Variants in BAALC observed in about 807,000 individuals in gnomAD.
BAALC encodes brain and acute leukemia cytoplasmic protein.
In BAALC, 9 loss-of-function variants were observed where a neutral mutation model predicts 15.5. The observed-to-expected ratio is 0.58, with a 90% CI of 0.35 to 1.02. BAALC has a LOEUF of 1.02. Among genes scored for constraint, BAALC ranks in the 50% least tolerant of loss-of-function variants. The pLI, the probability that BAALC is intolerant of heterozygous loss-of-function variation, is 0.02. For missense variants in BAALC, 201 were observed against 192.4 expected, an observed-to-expected ratio of 1.04 and a Z score of -0.27; for synonymous variants, 80 against 74.6, an observed-to-expected ratio of 1.07 and a Z score of -0.37.
chr8:103,186,984 C>A (rs2129989846), intron 1 of BAALC, among the ~76,000 whole-genome samples: 1 of 152,274 alleles, frequency 6.6e-6, no homozygotes, highest in East Asian at 1.9e-4. Context: ...GGACCTTAGC[C>A]CTTTTGCAAA....
intron 1 of BAALC, 48 bp downstream of exon 1, chr8:103,141,105 C>G (rs1037999514): frequency 2.2e-6 from 3 of 1,388,476 alleles, no homozygotes; most frequent in Non-Finnish European, 2.8e-6. Flanking sequence ...CTACCCCGGG[C>G]GCCTTGGCCC....
chr8:103,142,517 G>A (rs1245414689), intron 1 of BAALC, among the ~76,000 whole-genome samples: 1 of 152,124 alleles, frequency 6.6e-6, no homozygotes, highest in Non-Finnish European at 1.5e-5. Context: ...GATGTGACAG[G>A]GTTTCCCAAG....
intron 2 of BAALC, among the ~76,000 whole-genome samples, chr8:103,214,236 T>A (rs1812511154): frequency 6.6e-6 from 1 of 152,206 alleles, no homozygotes; most frequent in South Asian, 2.1e-4. Context: ...GAAGGGTCAG[T>A]GATCTCAACT....
intron 1 of BAALC, chr8:103,183,424 T>C (rs1184151120): frequency 1.4e-6 from 1 of 703,026 alleles, no homozygotes; most frequent in South Asian, 1.5e-5. Context: ...GGGGCTCTGC[T>C]GGTTCAAGAA....
intron 1 of BAALC, among the ~76,000 whole-genome samples, chr8:103,171,065 C>A (rs1310953703): frequency 6.7e-6 from 1 of 150,098 alleles, no homozygotes; most frequent in South Asian, 2.1e-4. Context: ...CCAAACAGAG[C>A]CAGCTGAACA....
At chr8:103,151,616 T>C (rs1178934987) in intron 1 of BAALC, among the ~76,000 whole-genome samples, 1 of 152,166 alleles carries the variant, frequency 6.6e-6, no homozygotes, top group African/African-American at 2.4e-5. Flanking sequence ...GTCATGCATG[T>C]TATGATTGCC....
At chr8:103,163,634 A>G (rs565572521) in intron 1 of BAALC, among the ~76,000 whole-genome samples, 2 of 152,254 alleles carry the variant, frequency 1.3e-5, no homozygotes, top group South Asian at 4.1e-4. Context: ...GTTGCAGTGA[A>G]TTGTTCCTTT....
chr8:103,158,840 G>T (rs1489089330), intron 1 of BAALC, among the ~76,000 whole-genome samples: 6 of 152,082 alleles, frequency 3.9e-5, no homozygotes, highest in Admixed American at 3.3e-4. Context: ...GACTTTGGTT[G>T]ACCACAGGTA....
At chr8:103,155,814 A>G (rs1811079196) in intron 1 of BAALC, among the ~76,000 whole-genome samples, 2 of 152,146 alleles carry the variant, frequency 1.3e-5, no homozygotes, top group African/African-American at 4.8e-5. Context: ...CATGTTCTCT[A>G]GGTCAGTGGA....
At chr8:103,186,615 A>G (rs1811844365) in intron 1 of BAALC, among the ~76,000 whole-genome samples, 2 of 152,044 alleles carry the variant, frequency 1.3e-5, no homozygotes, top group Non-Finnish European at 2.9e-5. Flanking sequence ...TCTTCCTGCT[A>G]CCCCAGGGAC....
chr8:103,185,261 C>T (rs1234456567), intron 1 of BAALC, among the ~76,000 whole-genome samples: 1 of 152,006 alleles, frequency 6.6e-6, no homozygotes, highest in Non-Finnish European at 1.5e-5. Flanking sequence ...CGAACTCTCC[C>T]GACTCCCATC....
At chr8:103,183,508 T>G in intron 1 of BAALC, 2 of 700,282 alleles carry the variant, frequency 2.9e-6, no homozygotes, top group South Asian at 3.0e-5. Context: ...TCTGGGGAGG[T>G]GGGTATGGGA....
chr8:103,167,515 C>T (rs1008076913), intron 1 of BAALC, among the ~76,000 whole-genome samples: 2 of 152,082 alleles, frequency 1.3e-5, no homozygotes. Flanking sequence ...ACAGCACAGG[C>T]AGAAGAGGTA....
At chr8:103,176,242 C>A (rs1345990628) in intron 1 of BAALC, among the ~76,000 whole-genome samples, 1 of 152,178 alleles carries the variant, frequency 6.6e-6, no homozygotes, top group Non-Finnish European at 1.5e-5. Flanking sequence ...TACATGCACA[C>A]ACACACATGC....
intron 2 of BAALC, among the ~76,000 whole-genome samples, chr8:103,225,013 CAAAT>C (rs915819510): frequency 3.3e-5 from 5 of 152,072 alleles, no homozygotes; most frequent in Admixed American, 6.5e-5. Flanking sequence ...GAGTTAAAGA[CAAAT>C]AACAAGAGAT....
At chr8:103,157,601 A>T (rs999007041) in intron 1 of BAALC, among the ~76,000 whole-genome samples, 1 of 152,190 alleles carries the variant, frequency 6.6e-6, no homozygotes, top group Non-Finnish European at 1.5e-5. Context: ...TGAGCCTATG[A>T]GTATGAGACC....
intron 1 of BAALC, among the ~76,000 whole-genome samples, chr8:103,184,319 G>A (rs1037505674): frequency 2.0e-5 from 3 of 152,252 alleles, no homozygotes; most frequent in Middle Eastern, 3.4e-3. Flanking sequence ...AGGTTCTGGT[G>A]CTTAGGAGTG....
intron 1 of BAALC, among the ~76,000 whole-genome samples, chr8:103,154,204 T>C (rs2129877910): frequency 6.6e-6 from 1 of 152,294 alleles, no homozygotes; most frequent in East Asian, 1.9e-4. Context: ...ATTTATTAGC[T>C]AACTCTGTTA....
At chr8:103,179,156 C>T (rs915076848) in intron 1 of BAALC, among the ~76,000 whole-genome samples, 1 of 152,168 alleles carries the variant, frequency 6.6e-6, no homozygotes, top group Non-Finnish European at 1.5e-5. Flanking sequence ...ATGTGCAAAC[C>T]AAGTTGCACG....
Sources: gnomAD v4.1 joint callset for allele counts (sites outside exome capture counted in the v4.1 genomes callset) on GRCh38, gnomAD v4.1.1 for gene constraint, MANE v1.5 for transcripts, NCBI Gene and HGNC (gene_info 2026-07-23, HGNC 2026-07-21) for gene names.